The following INPP4B variants were observed in gnomAD, a reference collection of about 807,000 sequenced individuals.
INPP4B encodes the protein inositol polyphosphate 4-phosphatase type II.
INPP4B carries 55 observed loss-of-function variants against 122.5 expected under a neutral mutation model. The ratio of observed to expected loss-of-function variants is 0.45; its 90% CI spans 0.36 to 0.56. INPP4B has a LOEUF of 0.56. Among genes scored for constraint, INPP4B ranks in the 20% least tolerant of loss-of-function variants. The pLI, the probability that INPP4B is intolerant of heterozygous loss-of-function variation, is 0.00. For synonymous variants in INPP4B, 403 were observed against 388.7 expected (o/e 1.04, Z -0.43); for missense variants, 1,000 against 1,097.7 (o/e 0.91, Z 1.26).
chr4:142,313,143 G>GGTT (rs762537537), intron 8 of INPP4B, among the ~76,000 whole-genome samples: 4 of 152,026 alleles, frequency 2.6e-5, no homozygotes, highest in Non-Finnish European at 4.4e-5. Context: ...AGAGACTCAA[G>GGTT]GTTTAAAATA....
chr4:142,301,343 T>A (rs1236768900), intron 9 of INPP4B, among the ~76,000 whole-genome samples: 1 of 152,130 alleles, frequency 6.6e-6, no homozygotes, highest in African/African-American at 2.4e-5. Flanking sequence ...TAGTAAAAAT[T>A]AATTGAGACT....
At chr4:142,384,228 G>A (rs2148896305) in intron 7 of INPP4B, 2 of 660,516 alleles carry the variant, frequency 3.0e-6, no homozygotes, top group Admixed American at 2.2e-5. Flanking sequence ...AGAAAAAACA[G>A]GTATTAACTC....
intron 2 of INPP4B, among the ~76,000 whole-genome samples, chr4:142,632,341 A>C (rs1748156892): frequency 6.6e-6 from 1 of 152,180 alleles, no homozygotes; most frequent in Non-Finnish European, 1.5e-5. Context: ...CATGCACAGA[A>C]AGACAAATAT....
chr4:142,185,455 T>C (rs2152991228), intron 15 of INPP4B, among the ~76,000 whole-genome samples: 1 of 151,800 alleles, frequency 6.6e-6, no homozygotes, highest in Non-Finnish European at 1.5e-5. Context: ...ACGTGAATAA[T>C]ATCCAAACTC....
At chr4:142,294,856 A>AAAAAAAAAAAAAAAAAG (rs1561775056) in intron 9 of INPP4B, among the ~76,000 whole-genome samples, 5 of 143,804 alleles carry the variant, frequency 3.5e-5, no homozygotes, top group Non-Finnish European at 6.1e-5. Context: ...AAAAAAAAAA[A>AAAAAAAAAAAAAAAAAG]GGCAGACTTA....
chr4:142,733,993 T>C lies in INPP4B; in HGVS notation c.-253-8092A>G, dbSNP rs1343917685. Among the ~76,000 whole-genome samples, 3 of 152,160 alleles carry C rather than the reference T, an allele frequency of 2.0e-5. No homozygotes were observed. The East Asian group carries it at 5.8e-4, about 29-fold the overall frequency. On this transcript the variant is annotated intron_variant, in intron 1 of 25. Transcript: ENST00000262992. ...AGAAAGAAGTCACATGGAAAAAGTA[T>C]GTACTATAGGAAAACATTCTGTTAT...
chr4:142,065,328 C>T (rs1762970018), intron 25 of INPP4B, among the ~76,000 whole-genome samples: 4 of 151,794 alleles, frequency 2.6e-5, no homozygotes, highest in African/African-American at 2.4e-5. Flanking sequence ...CAAAATTGGC[C>T]CTGAGCTTTT....
chr4:142,628,883 T>C (rs558768179), intron 2 of INPP4B, among the ~76,000 whole-genome samples: 3 of 152,212 alleles, frequency 2.0e-5, no homozygotes, highest in East Asian at 3.9e-4. Flanking sequence ...TAAAGTATCA[T>C]AGATAACACA....
chr4:142,120,324 C>T (rs1203233572), intron 21 of INPP4B, among the ~76,000 whole-genome samples: 2 of 151,968 alleles, frequency 1.3e-5, no homozygotes, highest in African/African-American at 2.4e-5. Context: ...GGGTCCTTTG[C>T]ATTTACATAT....
At chr4:142,295,558 T>C (rs1295286479) in intron 9 of INPP4B, among the ~76,000 whole-genome samples, 1 of 152,230 alleles carries the variant, frequency 6.6e-6, no homozygotes, top group Admixed American at 6.5e-5. Flanking sequence ...AACATGACTA[T>C]GTTTCTTGGA....
intron 17 of INPP4B, among the ~76,000 whole-genome samples, chr4:142,146,664 A>G (rs912921766): frequency 2.6e-5 from 4 of 152,322 alleles, no homozygotes; most frequent in African/African-American, 7.2e-5. Flanking sequence ...AGAACAGCCC[A>G]GAAAATTAGT....
chr4:142,461,128 C>T (rs547307000), intron 3 of INPP4B, among the ~76,000 whole-genome samples: 3 of 152,050 alleles, frequency 2.0e-5, no homozygotes, highest in Admixed American at 1.3e-4. Context: ...CCCATGACTG[C>T]GCCACTGCAA....
chr4:142,643,252 C>G (rs1342897665), intron 2 of INPP4B, among the ~76,000 whole-genome samples: 2 of 151,948 alleles, frequency 1.3e-5, no homozygotes, highest in Non-Finnish European at 2.9e-5. Context: ...CTCACAACAA[C>G]ATGATGAATA....
At chr4:142,721,648 C>T (rs867125873) in intron 2 of INPP4B, among the ~76,000 whole-genome samples, 1 of 152,086 alleles carries the variant, frequency 6.6e-6, no homozygotes, top group African/African-American at 2.4e-5. Context: ...CAGTGAAACC[C>T]CGTCTCTACT....
chr4:142,739,879 T>C (rs1263232957), intron 1 of INPP4B, among the ~76,000 whole-genome samples: 8 of 152,056 alleles, frequency 5.3e-5, no homozygotes, highest in Middle Eastern at 3.2e-3. Flanking sequence ...TTCTTTCACA[T>C]ATATATTATT....
chr4:142,843,588 GA>G (rs1022270527), intron 1 of INPP4B, among the ~76,000 whole-genome samples: 62 of 151,256 alleles, frequency 4.1e-4, no homozygotes, highest in African/African-American at 1.5e-3. Flanking sequence ...GATTAGGTAT[GA>G]TATTTGTATA....
intron 1 of INPP4B, chr4:142,766,722 A>G (rs577101058): frequency 8.2e-4 from 125 of 152,282 alleles, no homozygotes; most frequent in African/African-American, 2.9e-3. Context: ...AATGAAATCA[A>G]TGTGTGCTTC....
At chr4:142,040,398 G>A (rs1746647664) in intron 25 of INPP4B, among the ~76,000 whole-genome samples, 1 of 152,172 alleles carries the variant, frequency 6.6e-6, no homozygotes, top group African/African-American at 2.4e-5. Context: ...GCACATCAGT[G>A]GCTAATGACT....
chr4:142,713,384 GT>G (rs1763350590), intron 2 of INPP4B, among the ~76,000 whole-genome samples: 1 of 152,180 alleles, frequency 6.6e-6, no homozygotes, highest in African/African-American at 2.4e-5. Context: ...AGGCTAGTAA[GT>G]TCACCCAGAA....
Sources: allele counts gnomAD v4.1 joint callset (sites outside exome capture counted in the v4.1 genomes callset), GRCh38; gene constraint gnomAD v4.1.1; transcripts MANE v1.5; gene names NCBI Gene and HGNC (gene_info 2026-07-23, HGNC 2026-07-21).